Variants in JPH1 observed in about 807,000 individuals in gnomAD.
JPH1 encodes the protein junctophilin-1.
A neutral mutation model predicts 53.6 loss-of-function variants in JPH1; 12 were observed. The observed-to-expected ratio is 0.22, with a 90% CI of 0.14 to 0.36. The LOEUF is 0.36. Among genes scored for constraint, JPH1 ranks in the 10% least tolerant of loss-of-function variants. The pLI is 1.00. For synonymous variants in JPH1, 375 were observed against 363.8 expected, an observed-to-expected ratio of 1.03 and a Z score of -0.35; for missense variants, 808 against 905.5, an observed-to-expected ratio of 0.89 and a Z score of 1.38.
intron 2 of JPH1, among the ~76,000 whole-genome samples, chr8:74,290,270 T>C (rs1807285723): frequency 6.6e-6 from 1 of 152,210 alleles, no homozygotes; most frequent in African/African-American, 2.4e-5. Flanking sequence ...CTTAAGCTGA[T>C]AAGCAACTTC....
At chr8:74,293,284 C>T (rs1807393465) in intron 2 of JPH1, among the ~76,000 whole-genome samples, 2 of 152,136 alleles carry the variant, frequency 1.3e-5, no homozygotes. Flanking sequence ...AGTGTGGCAG[C>T]AGGAAAACAA....
At chr8:74,250,063 T>C (rs915798632) in intron 3 of JPH1, among the ~76,000 whole-genome samples, 1 of 152,068 alleles carries the variant, frequency 6.6e-6, no homozygotes, top group Non-Finnish European at 1.5e-5. Flanking sequence ...CCTCCATCAA[T>C]AAATACAAAA....
chr8:74,251,252 C>CT (rs1806048914), intron 3 of JPH1, among the ~76,000 whole-genome samples: 1 of 152,182 alleles, frequency 6.6e-6, no homozygotes, highest in Non-Finnish European at 1.5e-5. Context: ...CTCTGTGACT[C>CT]TTTTTTCTAT....
intron 2 of JPH1, among the ~76,000 whole-genome samples, chr8:74,310,669 G>A (rs1807967393): frequency 6.6e-6 from 1 of 152,132 alleles, no homozygotes; most frequent in African/African-American, 2.4e-5. Flanking sequence ...GCAAAGCAAA[G>A]GTCCACAGAT....
At chr8:74,291,658 T>C (rs1807329641) in intron 2 of JPH1, among the ~76,000 whole-genome samples, 1 of 152,120 alleles carries the variant, frequency 6.6e-6, no homozygotes, top group African/African-American at 2.4e-5. Context: ...AATCATGCTG[T>C]TATAAAGACA....
chr8:74,283,319 T>C (rs1807067232), intron 2 of JPH1, among the ~76,000 whole-genome samples: 2 of 152,032 alleles, frequency 1.3e-5, no homozygotes, highest in Non-Finnish European at 1.5e-5. Context: ...GTCATTTATA[T>C]AAATTAAAAA....
intron 2 of JPH1, among the ~76,000 whole-genome samples, chr8:74,278,993 A>G (rs371757550): frequency 0.012 from 1,002 of 86,166 alleles, 12 homozygotes; most frequent in Middle Eastern, 0.046. Context: ...ACGCGCGCAC[A>G]CACACACACA....
intron 4 of JPH1, among the ~76,000 whole-genome samples, chr8:74,240,347 A>T (rs1396365232): frequency 6.6e-6 from 1 of 151,534 alleles, no homozygotes; most frequent in Non-Finnish European, 1.5e-5. Flanking sequence ...CAAATACTAG[A>T]TCTTATTTGT....
At chr8:74,303,152 G>A (rs1041336511) in intron 2 of JPH1, among the ~76,000 whole-genome samples, 3 of 152,126 alleles carry the variant, frequency 2.0e-5, no homozygotes, top group Non-Finnish European at 4.4e-5. Context: ...AAAGAGCTGT[G>A]TCTAGTATTA....
intron 2 of JPH1, among the ~76,000 whole-genome samples, chr8:74,290,739 A>G (rs1019380565): frequency 2.6e-5 from 4 of 152,130 alleles, no homozygotes; most frequent in African/African-American, 9.7e-5. Flanking sequence ...TATACTACCA[A>G]GCTACAGTAA....
At chr8:74,309,062 G>A (rs764305926) in intron 2 of JPH1, among the ~76,000 whole-genome samples, 1 of 152,208 alleles carries the variant, frequency 6.6e-6, no homozygotes, top group Non-Finnish European at 1.5e-5. Context: ...GGGTGCAGAA[G>A]AGACTCCCTC....
intron 2 of JPH1, among the ~76,000 whole-genome samples, chr8:74,291,360 A>G (rs1291371408): frequency 7.9e-5 from 12 of 152,270 alleles, no homozygotes; most frequent in Non-Finnish European, 1.6e-4. Flanking sequence ...TATGCAGCCA[A>G]CAGACACATG....
chr8:74,279,103 C>T (rs1563408720), intron 2 of JPH1, among the ~76,000 whole-genome samples: 1 of 152,192 alleles, frequency 6.6e-6, no homozygotes, highest in Non-Finnish European at 1.5e-5. Context: ...GCTGTGGAAA[C>T]ACCATGTCCC....
In JPH1 at chr8:74,247,507, A is replaced by T. The variant is rs73686055; in HGVS notation, c.1259-2332T>A. Among the ~76,000 whole-genome samples, 733 of 152,350 alleles carry T rather than the reference A, an allele frequency of 4.8e-3. 10 individuals carry two copies. Among genetic ancestry groups the T allele is most frequent in the African/African-American group, 0.017 (711 of 41,572 alleles). On this transcript the variant is annotated intron_variant, in intron 3 of 5. Transcript: ENST00000342232. ...GTTATTTTTGCATAGAAAAATTGCC[A>T]ATATCTACTAAGATTAAGGCACATT...
In JPH1 at chr8:74,315,232, C is replaced by A. The variant is rs750105406; in HGVS notation, c.768G>T (p.Thr256=). The change falls in exon 2 of 6, where the codon ACG becomes ACT. Residue 256 remains threonine, a synonymous_variant. Coordinates refer to ENST00000342232, the MANE Select transcript of JPH1 (RefSeq NM_020647.4). The surrounding 1 kb of genome is among the most constrained non-coding windows in gnomAD (Gnocchi z 6.3). ...CACAATCTACATCGCCAAAGCTGAT[C>A]GTGGAGTTGGCATCGCTGGAACTAA... ...SRISSSDANS[T]ISFGDVDCDF... is the part of the protein sequence containing the mutation. 1.3e-5 allele frequency: 21 copies of A among 1,614,182 alleles called. No homozygotes were observed. The highest frequency in any genetic ancestry group is 1.8e-5 in the Non-Finnish European group (21 of 1,180,042).
chr8:74,294,975 G>T (rs1263293388), intron 2 of JPH1, among the ~76,000 whole-genome samples: 1 of 152,212 alleles, frequency 6.6e-6, no homozygotes, highest in Non-Finnish European at 1.5e-5. Flanking sequence ...CGACTGTCTG[G>T]TGGCACAGAG....
Position 74,320,816 on chromosome 8 carries a change from G to T in JPH1, c.379+93C>A, listed in dbSNP as rs1475969008. ...GGTGTTTTGGCGGGTTTCCGGACAC[G>T]TGCGCCCGGCGTCCTCCCCGCTTCC... On this transcript the variant is annotated intron_variant, in intron 1 of 5. Transcript: ENST00000342232. This position sits in a 1 kb window ranked among gnomAD's most constrained non-coding sequence, Gnocchi z 4.4. 5.9e-6 allele frequency: 8 copies of T among 1,358,030 alleles called. No homozygotes were observed. In the South Asian group the frequency reaches 1.0e-4, roughly 17 times the overall value. The allele number at this position is 1,358,030 out of a possible 1,614,324, so 84.1% of individuals were successfully genotyped here.
At position 74,244,576 on chromosome 8, in the gene JPH1, GATT is replaced by G. The variant is rs775034225; in HGVS notation, c.1855_1857del (p.Asn619del). 7 of 1,613,478 alleles carry G rather than the reference GATT, an allele frequency of 4.3e-6. No homozygotes were observed. In the African/African-American group the frequency reaches 9.3e-5, roughly 22 times the overall value. Reference sequence around the variant, plus strand: ...GCAGGGCATGAATCGTTGCTTGCTGGATTCTTTGGTATAGCAAGTTCAGACTTC... The same window carrying G: ...GCAGGGCATGAATCGTTGCTTGCTGGCTTTGGTATAGCAAGTTCAGACTTC... On this transcript the variant is annotated inframe_deletion, in exon 4 of 6. Coordinates refer to ENST00000342232, the MANE Select transcript of JPH1 (RefSeq NM_020647.4).
chr8:74,306,948 T>G (rs1775788174), intron 2 of JPH1, among the ~76,000 whole-genome samples: 1 of 150,082 alleles, frequency 6.7e-6, no homozygotes, highest in South Asian at 2.1e-4. Flanking sequence ...CTACGTTATC[T>G]TCAGAATAGT....
Sources: allele counts gnomAD v4.1 joint callset (sites outside exome capture counted in the v4.1 genomes callset), GRCh38; gene constraint gnomAD v4.1.1; non-coding constraint Gnocchi (gnomAD v3.1); transcripts MANE v1.5; gene names NCBI Gene and HGNC (gene_info 2026-07-23, HGNC 2026-07-21).